Variants in GRM4 observed in about 807,000 individuals in gnomAD.
GRM4 encodes the protein metabotropic glutamate receptor 4.
In GRM4, 28 loss-of-function variants were observed where a neutral mutation model predicts 81.7. That is an observed-to-expected ratio of 0.34 (90% CI 0.25 to 0.47). GRM4 has a LOEUF of 0.47. Ranked by LOEUF, GRM4 falls within the 20% of genes least tolerant of loss-of-function variation. GRM4 has a pLI of 1.00. For missense variants in GRM4, 948 were observed against 1,290.0 expected, an observed-to-expected ratio of 0.73 and a Z score of 4.06; for synonymous variants, 488 against 528.8, an observed-to-expected ratio of 0.92 and a Z score of 1.06.
chr6:34,155,357 A>G, exon 1 of GRM4: 3 of 1,510,804 alleles, frequency 2.0e-6, no homozygotes, highest in South Asian at 1.2e-5. Flanking sequence ...CGCCAGCCGC[A>G]GGAAGCTGCA....
At chr6:34,044,012 AG>A (rs1433567475) in intron 6 of GRM4, among the ~76,000 whole-genome samples, 1 of 152,002 alleles carries the variant, frequency 6.6e-6, no homozygotes, top group African/African-American at 2.4e-5. Context: ...CCAGACCAGG[AG>A]GATGCCCACC....
rs778304746 is a variant in GRM4, at chr6:34,035,855, G to A, written c.2255C>T (p.Ser752Leu). Residue 752 changes from serine (S) to leucine (L), a missense_variant, in exon 9 of 11, where the codon TCG becomes TTG. Transcript: ENST00000538487. The surrounding 1 kb of genome is among the most constrained non-coding windows in gnomAD (Gnocchi z 6.6). ...GCTGTAGCCCAGCAGGCAGATGAGC[G>A]ACAGGTCCGAGATGTCACACTTGAG... ...GVLKCDISDL[S>L]LICLLGYSML... 4.3e-6 allele frequency: 7 copies of A among 1,612,024 alleles called. No homozygotes were observed. Among genetic ancestry groups the A allele is most frequent in the South Asian group, 1.1e-5 (1 of 91,024 alleles).
At chr6:34,155,303 G>C in exon 1 of GRM4, 1 of 1,531,300 alleles carries the variant, frequency 6.5e-7, no homozygotes, top group South Asian at 1.2e-5. Flanking sequence ...GGGGTACAGG[G>C]GTGGGGTGCG....
In GRM4 at chr6:34,067,604, C is replaced by T. The variant is rs1266341356; in HGVS notation, c.737-5576G>A. On this transcript the variant is annotated intron_variant, in intron 3 of 10. Transcript: ENST00000538487. ...TCCTTTCCTCCCTCCCTTTCTTCCT[C>T]CCTTCATGCCTTCCTCCCTCCCTTC... Among the ~76,000 whole-genome samples the T allele has an allele frequency of 3.5e-5, 4 of 114,928 alleles. No individual in the cohort carries two copies. The East Asian group carries it at 8.8e-4, about 25-fold the overall frequency. 75.4% of individuals were successfully genotyped at this position (114,928 alleles called of 152,430 possible).
chr6:34,151,690 A>G (rs1398375748), intron 1 of GRM4, among the ~76,000 whole-genome samples: 3 of 150,394 alleles, frequency 2.0e-5, no homozygotes, highest in Admixed American at 6.6e-5. Flanking sequence ...CCCAACCTGG[A>G]GCGCTGCCCA....
rs182404286 is a variant in GRM4 at position 34,125,017 on chromosome 6, A to C, written c.519+7961T>G. Among the ~76,000 whole-genome samples, 5 of 151,990 alleles carry C rather than the reference A, an allele frequency of 3.3e-5. No individual in the cohort carries two copies. In the East Asian group the frequency reaches 7.8e-4, roughly 24 times the overall value. ...GAGACATAGTCTCGCTCTGTCGCCC[A>C]GGCTGGAGTGCGGTGGCGCTATCTC... On this transcript the variant is annotated intron_variant, in intron 2 of 10. Transcript: ENST00000538487.
chr6:34,128,254 G>A (rs1380963896), intron 2 of GRM4, among the ~76,000 whole-genome samples: 1 of 152,158 alleles, frequency 6.6e-6, no homozygotes, highest in Non-Finnish European at 1.5e-5. Context: ...CTTCCGCATC[G>A]CCGGAGTCCC....
chr6:34,044,785 C>G (rs552609986), intron 6 of GRM4, among the ~76,000 whole-genome samples: 4 of 148,092 alleles, frequency 2.7e-5, no homozygotes, highest in East Asian at 3.9e-4. Context: ...CACATACACA[C>G]ACAGACATAC....
rs1400681411 is a variant in GRM4, at chr6:34,069,880, C to T, written c.737-7852G>A. 6.6e-6 allele frequency among the ~76,000 whole-genome samples: 1 copy of T among 152,188 alleles called. No individual in the cohort carries two copies. The highest frequency in any genetic ancestry group is 2.4e-5 in the African/African-American group (1 of 41,440). On this transcript the variant is annotated intron_variant, in intron 3 of 10. Coordinates refer to ENST00000538487, the MANE Select transcript of GRM4 (RefSeq NM_000841.4). The surrounding 1 kb of genome is among the most constrained non-coding windows in gnomAD (Gnocchi z 6.4). The stretch of plus-strand genomic sequence containing the variant: ...CACCCCCACCTCAGCTGCTCAGCCA[C>T]CCTCTAGCTCCCCACCCAGTTCTTC...
intron 3 of GRM4, among the ~76,000 whole-genome samples, chr6:34,067,410 C>A: frequency 7.4e-6 from 1 of 135,074 alleles, no homozygotes; most frequent in Admixed American, 7.1e-5. Flanking sequence ...CCGTCCTTCC[C>A]TCCCTCCCTC....
intron 2 of GRM4, among the ~76,000 whole-genome samples, chr6:34,128,365 T>TTC (rs1474819972): frequency 4.0e-5 from 6 of 150,486 alleles, no homozygotes; most frequent in African/African-American, 1.5e-4. Context: ...CCTTAACTCT[T>TTC]TTTTTTTTCT....
upstream of GRM4, among the ~76,000 whole-genome samples, chr6:34,147,598 G>A (rs2127520602): frequency 6.6e-6 from 1 of 152,352 alleles, no homozygotes; most frequent in South Asian, 2.1e-4. Flanking sequence ...TATGGGGTGT[G>A]CATCGTTCAC....
intron 8 of GRM4, among the ~76,000 whole-genome samples, chr6:34,039,341 G>A (rs1460626162): frequency 6.6e-6 from 1 of 152,160 alleles, no homozygotes; most frequent in Non-Finnish European, 1.5e-5. Flanking sequence ...GAGACGGCGG[G>A]GCCTCGATGC....
chr6:34,099,822 C>T (rs2127492857), intron 2 of GRM4, among the ~76,000 whole-genome samples: 1 of 152,258 alleles, frequency 6.6e-6, no homozygotes, highest in Middle Eastern at 3.4e-3. Flanking sequence ...CAGGATAGGC[C>T]CCAGATCGGG....
chr6:34,078,845 A>G lies in GRM4; in HGVS notation c.736+13038T>C, dbSNP rs750264674. 2.0e-5 allele frequency among the ~76,000 whole-genome samples: 3 copies of G among 152,224 alleles called. No individual in the cohort carries two copies. The highest frequency in any genetic ancestry group is 2.9e-5 in the Non-Finnish European group (2 of 68,040). On this transcript the variant is annotated intron_variant, in intron 3 of 10. Transcript: ENST00000538487. This position sits in a 1 kb window ranked among gnomAD's most constrained non-coding sequence, Gnocchi z 4.8. ...TGGCTCATTAAAAAGCAGAATTTGC[A>G]TAGAATATCCATATGATCATTCTGT...
chr6:34,026,201 G>C (rs1455575015), intron 10 of GRM4, among the ~76,000 whole-genome samples: 2 of 152,196 alleles, frequency 1.3e-5, no homozygotes, highest in African/African-American at 4.8e-5. Flanking sequence ...CAGTGACAGA[G>C]TGAAAAATGT....
intron 3 of GRM4, among the ~76,000 whole-genome samples, chr6:34,065,574 T>C (rs1204254535): frequency 2.0e-5 from 3 of 152,064 alleles, no homozygotes; most frequent in Admixed American, 6.5e-5. Flanking sequence ...TCCTTGGCTT[T>C]CCTGGGTCTC....
At chr6:34,119,582 A>G (rs922230051) in intron 2 of GRM4, among the ~76,000 whole-genome samples, 21 of 152,210 alleles carry the variant, frequency 1.4e-4, no homozygotes, top group African/African-American at 5.1e-4. Flanking sequence ...GGGAAATTGC[A>G]AACACACCTG....
In GRM4 at chr6:34,069,646, CAGTG is replaced by C. The variant is rs1186318201; in HGVS notation, c.737-7622_737-7619del. Among the ~76,000 whole-genome samples the C allele has an allele frequency of 1.8e-4, 23 of 126,068 alleles. No homozygotes were observed. The South Asian group carries it at 5.3e-3, about 29-fold the overall frequency. 82.7% of individuals were successfully genotyped at this position (126,068 alleles called of 152,430 possible). ...CGGCTTTACAACCCTTGGCAGCCCC[CAGTG>C]TGTGTGTGTGTGTGTGTGTGTGTGT... On this transcript the variant is annotated intron_variant, in intron 3 of 10. Coordinates refer to ENST00000538487, the MANE Select transcript of GRM4 (RefSeq NM_000841.4). This position sits in a 1 kb window ranked among gnomAD's most constrained non-coding sequence, Gnocchi z 6.4.
Sources: gnomAD v4.1 joint callset for allele counts (sites outside exome capture counted in the v4.1 genomes callset) on GRCh38, gnomAD v4.1.1 for gene constraint, Gnocchi (gnomAD v3.1) non-coding constraint, MANE v1.5 for transcripts, NCBI Gene and HGNC (gene_info 2026-07-23, HGNC 2026-07-21) for gene names.